Variants in ADGRV1 observed in about 807,000 individuals in gnomAD.
ADGRV1 encodes G-protein coupled receptor 98.
In ADGRV1, 359 loss-of-function variants were observed where a neutral mutation model predicts 596.2. That is an observed-to-expected ratio of 0.60 (90% CI 0.55 to 0.66). The LOEUF (loss-of-function observed/expected upper bound fraction) is 0.66. ADGRV1 is among the 30% of genes least tolerant of loss of function. ADGRV1 has a pLI of 0.00. For missense variants in ADGRV1, 7,274 were observed against 7,575.6 expected (o/e 0.96, Z 1.48); for synonymous variants, 2,681 against 2,679.2 (o/e 1.00, Z -0.02).
intron 64 of ADGRV1, chr5:90,781,226 A>T (rs998421813): frequency 2.4e-5 from 14 of 584,768 alleles, no homozygotes; most frequent in Non-Finnish European, 3.1e-5. Flanking sequence ...GGCACCACTC[A>T]TTGGGAGCAA....
intron 83 of ADGRV1, among the ~76,000 whole-genome samples, chr5:90,944,394 A>C (rs1776403824): frequency 6.6e-6 from 1 of 152,142 alleles, no homozygotes; most frequent in Admixed American, 6.5e-5. Context: ...TTTAGGTCCT[A>C]CTTGAAGAAA....
At chr5:90,567,362 A>T (rs902264074) in intron 1 of ADGRV1, among the ~76,000 whole-genome samples, 2 of 151,918 alleles carry the variant, frequency 1.3e-5, no homozygotes, top group African/African-American at 4.8e-5. Context: ...TTATATATAT[A>T]TTTTTAAGTT....
chr5:90,977,773 C>G (rs1779737119), intron 84 of ADGRV1, among the ~76,000 whole-genome samples: 1 of 152,120 alleles, frequency 6.6e-6, no homozygotes, highest in African/African-American at 2.4e-5. Flanking sequence ...TTTTAGTTTA[C>G]TGCTATCTAT....
chr5:90,644,596 A>G, intron 14 of ADGRV1, 110 bp from the exon 15 acceptor site: 2 of 804,700 alleles, frequency 2.5e-6, no homozygotes, highest in Non-Finnish European at 4.0e-6. Context: ...GTTGGCAGTT[A>G]TTAAAAAGAG....
At position 91,072,735 on chromosome 5, in the gene ADGRV1, A is replaced by G. The variant is rs1473592822; in HGVS notation, c.18310+131A>G. 1.3e-5 allele frequency: 11 copies of G among 833,528 alleles called. No homozygotes were observed. In the East Asian group the frequency reaches 1.7e-4, roughly 13 times the overall value. 51.6% of individuals were successfully genotyped at this position (833,528 alleles called of 1,614,324 possible). On this transcript the variant is annotated intron_variant, in intron 86 of 89. Transcript: ENST00000405460. The stretch of plus-strand genomic sequence containing the variant: ...CAGCTCTGAAGCCACAAGTTAAGCT[A>G]TAGCTCTCCAGTTTCTCCTGCTTCT...
intron 85 of ADGRV1, among the ~76,000 whole-genome samples, chr5:91,057,899 G>A (rs961440966): frequency 6.6e-6 from 1 of 152,298 alleles, no homozygotes; most frequent in Non-Finnish European, 1.5e-5. Context: ...ACGTGTGTCT[G>A]TGCTGCCCAG....
At chr5:90,699,788 A>C (rs1747663523) in intron 34 of ADGRV1, among the ~76,000 whole-genome samples, 1 of 152,154 alleles carries the variant, frequency 6.6e-6, no homozygotes. Flanking sequence ...GATGAACTTC[A>C]CCTGAAAACA....
rs1211202200 is a variant in ADGRV1, at chr5:91,153,407, G to A, written c.18802+9G>A. On this transcript the variant is annotated intron_variant, in intron 89 of 89. Coordinates refer to ENST00000405460, the MANE Select transcript of ADGRV1 (RefSeq NM_032119.4). ...ATTTGCATTAAAAACTGGTATGTAT[G>A]AACCCATGAACGACATTAGAAGTAG... is the stretch of plus-strand genomic sequence containing the variant. 3.8e-6 allele frequency: 6 copies of A among 1,559,178 alleles called. No homozygotes were observed. The highest frequency in any genetic ancestry group is 5.2e-6 in the Non-Finnish European group (6 of 1,152,094).
intron 20 of ADGRV1, chr5:90,655,972 CA>C (rs1309381502): frequency 6.6e-6 from 1 of 152,010 alleles, no homozygotes; most frequent in African/African-American, 2.4e-5. Context: ...TCTTTATTGT[CA>C]AAATGATACA....
At chr5:91,058,278 CTTATTT>C (rs1361339198) in intron 85 of ADGRV1, among the ~76,000 whole-genome samples, 2 of 152,028 alleles carry the variant, frequency 1.3e-5, no homozygotes, top group Non-Finnish European at 2.9e-5. Context: ...AATGAAGGAA[CTTATTT>C]TTTAAAGAAG....
At chr5:90,634,715 C>T (rs1202769526) in intron 9 of ADGRV1, among the ~76,000 whole-genome samples, 2 of 152,070 alleles carry the variant, frequency 1.3e-5, no homozygotes, top group Admixed American at 6.6e-5. Flanking sequence ...GCTGATGATA[C>T]TAGTGAAGGG....
At chr5:90,682,867 T>C (rs1290744936) in intron 27 of ADGRV1, among the ~76,000 whole-genome samples, 1 of 152,234 alleles carries the variant, frequency 6.6e-6, no homozygotes. Flanking sequence ...ATATCTTCCT[T>C]CTTAAATGTA....
Position 90,831,651 on chromosome 5 carries a change from T to G in ADGRV1, c.16611+2465T>G, listed in dbSNP as rs1281682496. On this transcript the variant is annotated intron_variant, in intron 77 of 89. Coordinates refer to ENST00000405460, the MANE Select transcript of ADGRV1 (RefSeq NM_032119.4). ...GTCGTGCTGTTGTGCTATCAAATAC[T>G]AGATTGTATTCATTCTGACTATTTT... Among the ~76,000 whole-genome samples, 4 of 152,270 alleles carry G rather than the reference T, an allele frequency of 2.6e-5. No homozygotes were observed. The East Asian group carries it at 7.7e-4, about 29-fold the overall frequency.
In ADGRV1 at chr5:90,755,109, A is replaced by G; in HGVS notation, c.11504A>G (p.Asp3835Gly). The G allele has an allele frequency of 6.2e-7, 1 of 1,611,470 alleles. No individual in the cohort carries two copies. The highest frequency in any genetic ancestry group is 2.2e-5 in the East Asian group (1 of 44,854). Residue 3835 changes from aspartate (D) to glycine (G), a missense_variant, in exon 55 of 90, where the codon GAT becomes GGT. Coordinates refer to ENST00000405460, the MANE Select transcript of ADGRV1 (RefSeq NM_032119.4). ...GATAATCAAGCTACTGAGAATGAAG[A>G]TTATGTATTGCAAGAAACAATAATA... ...HVDNQATENEDYVLQETIIIM... is the reference protein window; with the variant it reads ...HVDNQATENEGYVLQETIIIM...
In ADGRV1 at chr5:90,673,474, G is replaced by GTC. The variant is rs1378283912; in HGVS notation, c.4930-578_4930-577dup. ...ATGCTACTGCTCAGCACCTGCCTTA[G>GTC]TCTGTTGGGACTGCTATAACAACAT... On this transcript the variant is annotated intron_variant, in intron 22 of 89. Coordinates refer to ENST00000405460, the MANE Select transcript of ADGRV1 (RefSeq NM_032119.4). Among the ~76,000 whole-genome samples the GTC allele has an allele frequency of 3.3e-5, 5 of 152,266 alleles. No individual in the cohort carries two copies. The East Asian group carries it at 9.6e-4, about 29-fold the overall frequency.
At chr5:90,706,119 C>T (rs1010150995) in intron 37 of ADGRV1, 112 bp from the exon 38 acceptor site, 8 of 791,522 alleles carry the variant, frequency 1.0e-5, no homozygotes, top group Non-Finnish European at 1.6e-5. Context: ...GGAATTGGGA[C>T]CAATAATACT....
At chr5:90,663,542 T>A (rs931508795) in intron 21 of ADGRV1, among the ~76,000 whole-genome samples, 4 of 151,950 alleles carry the variant, frequency 2.6e-5, no homozygotes, top group Non-Finnish European at 4.4e-5. Flanking sequence ...GTTGCGAAAA[T>A]TGTCTCCCAT....
chr5:90,813,132 CAAAAAAAA>C (rs5869522), intron 74 of ADGRV1, among the ~76,000 whole-genome samples: 1,198 of 34,692 alleles, frequency 0.035, 69 homozygotes, highest in South Asian at 0.058. Context: ...GACTCCGTCT[CAAAAAAAA>C]AAAAAAAAAA....
At chr5:90,814,559 T>A (rs987660281) in intron 74 of ADGRV1, among the ~76,000 whole-genome samples, 1 of 152,104 alleles carries the variant, frequency 6.6e-6, no homozygotes. Flanking sequence ...TCCCCCATGC[T>A]GTTCTTGTGA....
Sources: allele counts gnomAD v4.1 joint callset (sites outside exome capture counted in the v4.1 genomes callset), GRCh38; gene constraint gnomAD v4.1.1; transcripts MANE v1.5; gene names NCBI Gene and HGNC (gene_info 2026-07-23, HGNC 2026-07-21).